Variants in SYT1 observed in about 807,000 individuals in gnomAD.
SYT1 encodes the protein synaptotagmin-1.
In SYT1, 8 loss-of-function variants were observed where a neutral mutation model predicts 44.8. The observed-to-expected ratio is 0.18, with a 90% CI of 0.10 to 0.32. The LOEUF is 0.32. Among genes scored for constraint, SYT1 ranks in the 10% least tolerant of loss-of-function variants. The pLI, the probability that SYT1 is intolerant of heterozygous loss-of-function variation, is 1.00. For synonymous variants in SYT1, 154 were observed against 188.8 expected (o/e 0.82, Z 1.51); for missense variants, 286 against 509.3 (o/e 0.56, Z 4.22).
At chr12:78,893,671 A>G (rs960063515) in intron 1 of SYT1, among the ~76,000 whole-genome samples, 2 of 151,758 alleles carry the variant, frequency 1.3e-5, no homozygotes, top group Admixed American at 1.3e-4. Flanking sequence ...TATGAAAACA[A>G]ACTTCTCTGA....
chr12:78,947,428 C>T (rs897676616), intron 1 of SYT1, among the ~76,000 whole-genome samples: 9 of 151,226 alleles, frequency 6.0e-5, no homozygotes, highest in Non-Finnish European at 1.3e-4. Context: ...TAAAGCCAAA[C>T]CAAACCATTT....
At chr12:79,211,808 T>C (rs1315729378) in intron 3 of SYT1, among the ~76,000 whole-genome samples, 1 of 152,070 alleles carries the variant, frequency 6.6e-6, no homozygotes, top group African/African-American at 2.4e-5. Context: ...CCATGGTGTA[T>C]ATGTGCCTTT....
At chr12:79,051,206 A>C (rs1874459134) in intron 3 of SYT1, among the ~76,000 whole-genome samples, 1 of 151,734 alleles carries the variant, frequency 6.6e-6, no homozygotes, top group Admixed American at 6.6e-5. Flanking sequence ...AAATTTATGT[A>C]AATTATTGTT....
At chr12:79,040,761 A>G (rs1449566405) in intron 2 of SYT1, among the ~76,000 whole-genome samples, 2 of 152,084 alleles carry the variant, frequency 1.3e-5, no homozygotes, top group African/African-American at 2.4e-5. Context: ...TTTTAGGTCT[A>G]ACGTTTAAGT....
intron 2 of SYT1, among the ~76,000 whole-genome samples, chr12:79,014,955 G>T (rs142534123): frequency 6.6e-6 from 1 of 151,572 alleles, no homozygotes; most frequent in South Asian, 2.1e-4. Context: ...GTAAACTATC[G>T]CAAGGATAAA....
chr12:79,140,438 GTA>G (rs1420420311), intron 3 of SYT1, among the ~76,000 whole-genome samples: 12 of 152,082 alleles, frequency 7.9e-5, no homozygotes, highest in African/African-American at 2.9e-4. Flanking sequence ...GGTGCTTTCC[GTA>G]TATAGTGTGA....
intron 3 of SYT1, among the ~76,000 whole-genome samples, chr12:79,176,276 C>T (rs907730804): frequency 4.8e-5 from 6 of 126,084 alleles, no homozygotes; most frequent in East Asian, 2.2e-4. Flanking sequence ...GCAACAAGAG[C>T]GAAATTCTGT....
chr12:79,266,934 G>A (rs1057084844), intron 4 of SYT1, among the ~76,000 whole-genome samples: 19 of 152,214 alleles, frequency 1.2e-4, no homozygotes, highest in Admixed American at 3.9e-4. Flanking sequence ...AAATTAATGA[G>A]CCTGAATCTT....
chr12:79,105,141 T>C (rs971303965), intron 3 of SYT1, among the ~76,000 whole-genome samples: 1 of 152,182 alleles, frequency 6.6e-6, no homozygotes, highest in Non-Finnish European at 1.5e-5. Context: ...TGGGATCAAA[T>C]GGCTTGGCTT....
chr12:79,059,467 G>A (rs1022613008), intron 3 of SYT1, among the ~76,000 whole-genome samples: 12 of 151,928 alleles, frequency 7.9e-5, no homozygotes, highest in Non-Finnish European at 1.3e-4. Flanking sequence ...AATTTTAAGA[G>A]TTACCTCTAT....
intron 3 of SYT1, among the ~76,000 whole-genome samples, chr12:79,070,141 C>T (rs762280491): frequency 2.0e-5 from 3 of 151,962 alleles, no homozygotes; most frequent in East Asian, 1.9e-4. Flanking sequence ...TTTATATAAC[C>T]GTAGTGGATC....
chr12:79,184,203 T>A (rs1380086277), intron 3 of SYT1, among the ~76,000 whole-genome samples: 3 of 152,062 alleles, frequency 2.0e-5, no homozygotes, highest in African/African-American at 7.2e-5. Flanking sequence ...CTCACAGGGA[T>A]CTTGGTGTTA....
At chr12:79,006,036 G>C (rs547981211) in intron 2 of SYT1, among the ~76,000 whole-genome samples, 1 of 152,206 alleles carries the variant, frequency 6.6e-6, no homozygotes, top group East Asian at 1.9e-4. Flanking sequence ...AAAGACCACA[G>C]GCCTCATCTC....
chr12:79,214,865 G>A (rs1195814700), intron 3 of SYT1, among the ~76,000 whole-genome samples: 1 of 152,028 alleles, frequency 6.6e-6, no homozygotes, highest in Non-Finnish European at 1.5e-5. Context: ...AAGTAATAAT[G>A]TGTGTCACAT....
intron 1 of SYT1, among the ~76,000 whole-genome samples, chr12:78,959,440 A>C (rs1301719057): frequency 6.6e-6 from 1 of 152,208 alleles, no homozygotes; most frequent in African/African-American, 2.4e-5. Flanking sequence ...AAGCTACCTT[A>C]CATAAAAATA....
chr12:78,968,567 C>T (rs561289730), intron 1 of SYT1, among the ~76,000 whole-genome samples: 1 of 152,246 alleles, frequency 6.6e-6, no homozygotes, highest in East Asian at 1.9e-4. Flanking sequence ...AAAGGAGTAA[C>T]TCATATCTCT....
At chr12:79,150,312 A>G (rs770506392) in intron 3 of SYT1, among the ~76,000 whole-genome samples, 1 of 152,182 alleles carries the variant, frequency 6.6e-6, no homozygotes, top group African/African-American at 2.4e-5. Flanking sequence ...ACATGAATGA[A>G]CCTAGAAGAC....
chr12:79,244,352 C>T (rs1876695508), intron 4 of SYT1, among the ~76,000 whole-genome samples: 1 of 152,112 alleles, frequency 6.6e-6, no homozygotes. Context: ...CATTCTTTTT[C>T]TCCTTAGAAA....
chr12:79,144,704 C>A (rs1869770392), intron 3 of SYT1, among the ~76,000 whole-genome samples: 1 of 152,212 alleles, frequency 6.6e-6, no homozygotes, highest in Non-Finnish European at 1.5e-5. Flanking sequence ...GTTTAAGAGA[C>A]TTATTTCCCA....
Sources: gnomAD v4.1 joint callset for allele counts (sites outside exome capture counted in the v4.1 genomes callset) on GRCh38, gnomAD v4.1.1 for gene constraint, MANE v1.5 for transcripts, NCBI Gene and HGNC (gene_info 2026-07-23, HGNC 2026-07-21) for gene names.